Variants in GFER observed in about 807,000 individuals in gnomAD.
GFER encodes growth factor, augmenter of liver regeneration.
GFER carries 24 observed loss-of-function variants against 18.2 expected under a neutral mutation model. That is an observed-to-expected ratio of 1.32 (90% CI 0.96 to 1.86). The LOEUF (loss-of-function observed/expected upper bound fraction) is 1.86, where lower values mean the gene tolerates loss of function less well. GFER is among the 40% of genes most tolerant of loss of function. The pLI is 0.00. For missense variants in GFER, 316 were observed against 295.6 expected (o/e 1.07, Z -0.51); for synonymous variants, 138 against 126.9 (o/e 1.09, Z -0.59).
At chr16:1,985,562 G>A (rs943914262) in intron 2 of GFER, among the ~76,000 whole-genome samples, 6 of 152,244 alleles carry the variant, frequency 3.9e-5, no homozygotes, top group Admixed American at 2.0e-4. Context: ...ACTGGATGCC[G>A]CTTCCTGGGT....
At position 1,987,427 on chromosome 16, in the gene GFER, T is replaced by C. The variant is rs1481830276; in HGVS notation, c.*1399T>C. ...AGGGAGCTGCTATGTCCCCACCAGATTGGCCCCGTGCGGCTGCTGGCTTCT... is the reference window on the plus strand; with the variant it reads ...AGGGAGCTGCTATGTCCCCACCAGACTGGCCCCGTGCGGCTGCTGGCTTCT... On this transcript the variant is annotated 3_prime_UTR_variant, in exon 3 of 3. Transcript: ENST00000248114. The C allele has an allele frequency of 2.6e-5, 4 of 152,458 alleles. No individual in the cohort carries two copies. In the East Asian group the frequency reaches 5.8e-4, roughly 22 times the overall value. 9.4% of individuals were successfully genotyped at this position (152,458 alleles called of 1,614,324 possible).
rs776371765 is a variant in GFER at position 1,984,482 on chromosome 16, G to T, written c.258+6G>T. On this transcript the variant is annotated splice_donor_region_variant and intron_variant, in intron 1 of 2. Transcript: ENST00000248114. ...GGATGCGGACGCAGCAGAAGGTGCA[G>T]TTCCCTGCCCGATTTCTCCCAGCCC... 2 of 1,557,606 alleles carry T rather than the reference G, an allele frequency of 1.3e-6. No individual in the cohort carries two copies. Among genetic ancestry groups the T allele is most frequent in the African/African-American group, 2.7e-5 (2 of 73,918 alleles).
Position 1,984,855 on chromosome 16 carries a change from C to T in GFER, c.367C>T (p.Pro123Ser), listed in dbSNP as rs1411611534. 6.2e-7 allele frequency: 1 copy of T among 1,613,614 alleles called. No individual in the cohort carries two copies. The highest frequency in any genetic ancestry group is 1.7e-5 in the Admixed American group (1 of 60,004). Reference protein sequence around the residue: ...LAAYYPDLPTPEQQQDMAQFI... With the variant: ...LAAYYPDLPTSEQQQDMAQFI... ...CGCCTACTACCCCGACCTGCCCACC[C>T]CAGAACAGCAGCAAGACATGGCCCA... Residue 123 changes from proline to serine, a missense_variant, in exon 2 of 3, where the codon CCA becomes TCA. Coordinates refer to ENST00000248114, the MANE Select transcript of GFER (RefSeq NM_005262.3).
Position 1,984,655 on chromosome 16 carries a change from T to A in GFER, c.259-92T>A, listed in dbSNP as rs1166675220. The A allele has an allele frequency of 2.9e-6, 4 of 1,392,746 alleles. No homozygotes were observed. The East Asian group carries it at 6.8e-5, about 24-fold the overall frequency. 86.3% of individuals were successfully genotyped at this position (1,392,746 alleles called of 1,614,324 possible). ...ATCGTCTGCAGGACTTTGGCCGGAG[T>A]CCAGTGGGCCACCGGCTGGGCCGTA... is the stretch of plus-strand genomic sequence containing the variant. On this transcript the variant is annotated intron_variant, in intron 1 of 2. Coordinates refer to ENST00000248114, the MANE Select transcript of GFER (RefSeq NM_005262.3).
chr16:1,985,787 C>T, intron 2 of GFER, 79 bp from the exon 3 acceptor site: 1 of 1,335,326 alleles, frequency 7.5e-7, no homozygotes. Flanking sequence ...AGCTCTCCTT[C>T]CTTGACAGCA....
intron 1 of GFER, 97 bp downstream of exon 1, chr16:1,984,573 T>G: frequency 7.0e-7 from 1 of 1,425,072 alleles, no homozygotes. Context: ...TGCCTGTCCC[T>G]GAACCTTGCC....
At chr16:1,985,739 A>G in intron 2 of GFER, 127 bp from the exon 3 acceptor site, 1 of 892,632 alleles carries the variant, frequency 1.1e-6, no homozygotes, top group Non-Finnish European at 1.9e-6. Context: ...ACCTTGGAGC[A>G]TAAGGGCACT....
In GFER at chr16:1,984,247, T is replaced by C; in HGVS notation, c.29T>C (p.Phe10Ser). The change falls in exon 1 of 3, where the codon TTC (phenylalanine) becomes TCC (serine). Residue 10 changes from phenylalanine (F) to serine (S), a missense_variant. Transcript: ENST00000248114. Reference protein sequence around the residue: MAAPGERGRFHGGNLFFLPG... With the variant: MAAPGERGRSHGGNLFFLPG... ...GCGGCGCCCGGCGAGCGGGGCCGCT[T>C]CCACGGCGGGAACCTCTTCTTCCTG... The C allele has an allele frequency of 6.8e-7, 1 of 1,477,118 alleles. No individual in the cohort carries two copies. The highest frequency in any genetic ancestry group is 8.9e-7 in the Non-Finnish European group (1 of 1,121,118). The allele number at this position is 1,477,118 out of a possible 1,614,324, so 91.5% of individuals were successfully genotyped here. A position where few individuals can be genotyped will look rare whatever the true frequency, so the allele number is the denominator to read the frequency against.
rs2075319129 is a variant in GFER, at chr16:1,986,446, C to T, written c.*418C>T. 5.8e-6 allele frequency: 2 copies of T among 347,106 alleles called. No individual in the cohort carries two copies. The highest frequency in any genetic ancestry group is 1.1e-5 in the Non-Finnish European group (2 of 176,378). The allele number at this position is 347,106 out of a possible 1,614,324, so 21.5% of individuals were successfully genotyped here. On this transcript the variant is annotated 3_prime_UTR_variant, in exon 3 of 3. Coordinates refer to ENST00000248114, the MANE Select transcript of GFER (RefSeq NM_005262.3). Reference sequence around the variant, plus strand: ...CTTCCCACTATGCAGCCAGGGATGCCCCTGCCCCCCATGGCTCTGTGCTGC... The same window carrying T: ...CTTCCCACTATGCAGCCAGGGATGCTCCTGCCCCCCATGGCTCTGTGCTGC...
In GFER at chr16:1,984,403, C is replaced by T. The variant is rs2083550251; in HGVS notation, c.185C>T (p.Ala62Val). The change falls in exon 1 of 3, where the codon GCC becomes GTC. Residue 62 changes from alanine (A) to valine (V), a missense_variant. Ala to Val is a moderately conservative substitution (Grantham distance 64). Transcript: ENST00000248114. ...GCGCCGACCTCCGATTCTCCTGTCG[C>T]CGAGGACGCCTCCCGGAGGCGGCCG... ...AQAPTSDSPVAEDASRRRPCR... is the reference protein window; with the variant it reads ...AQAPTSDSPVVEDASRRRPCR... 6.5e-7 allele frequency: 1 copy of T among 1,538,352 alleles called. No homozygotes were observed. The highest frequency in any genetic ancestry group is 8.7e-7 in the Non-Finnish European group (1 of 1,146,144).
At chr16:1,984,701 CT>C (rs768871809) in intron 1 of GFER, 45 bp from the exon 2 acceptor site, 1 of 1,559,600 alleles carries the variant, frequency 6.4e-7, no homozygotes, top group East Asian at 2.2e-5. Flanking sequence ...CTTTGGGCGC[CT>C]TTGTTCGGAG....
rs186856814 is a variant in GFER at position 1,986,407 on chromosome 16, G to A, written c.*379G>A. ...GGGCATCCCTGTGCCTGTCCCTGGC[G>A]GCCAGGCCATTGCCTTCCCACTATG... On this transcript the variant is annotated 3_prime_UTR_variant, in exon 3 of 3. Coordinates refer to ENST00000248114, the MANE Select transcript of GFER (RefSeq NM_005262.3). 142 of 358,046 alleles carry A rather than the reference G, an allele frequency of 4.0e-4. No homozygotes were observed. Among genetic ancestry groups the A allele is most frequent in the Admixed American group, 1.8e-3 (47 of 26,156 alleles). The allele number at this position is 358,046 out of a possible 1,614,324, so 22.2% of individuals were successfully genotyped here.
chr16:1,984,735 C>T lies in GFER; in HGVS notation c.259-12C>T, dbSNP rs1164475398. ...GAGAATGAACTCACTCTCGGTCGGCCTGCTTCCGCAGCGGGACACCAAGTT... is the reference window on the plus strand; with the variant it reads ...GAGAATGAACTCACTCTCGGTCGGCTTGCTTCCGCAGCGGGACACCAAGTT... On this transcript the variant is annotated splice_polypyrimidine_tract_variant and intron_variant, in intron 1 of 2. Coordinates refer to ENST00000248114, the MANE Select transcript of GFER (RefSeq NM_005262.3). 4.4e-6 allele frequency: 7 copies of T among 1,604,430 alleles called. No homozygotes were observed. The highest frequency in any genetic ancestry group is 5.1e-6 in the Non-Finnish European group (6 of 1,178,858).
chr16:1,984,925 C>T lies in GFER; in HGVS notation c.437C>T (p.Ala146Val), dbSNP rs756203483. ...AAGTTTTACCCCTGTGAGGAGTGTG[C>T]TGAAGACCTAAGAAAAAGGTAAGAT... is the stretch of plus-strand genomic sequence containing the variant. ...FSKFYPCEEC[A>V]EDLRKRLCRN... is the part of the protein sequence containing the mutation. Residue 146 changes from alanine (A) to valine (V), a missense_variant, in exon 2 of 3, where the codon GCT (alanine) becomes GTT (valine). Transcript: ENST00000248114. 1.2e-6 allele frequency: 2 copies of T among 1,612,712 alleles called. No homozygotes were observed. Among genetic ancestry groups the T allele is most frequent in the Non-Finnish European group, 8.5e-7 (1 of 1,179,142 alleles).
In GFER at chr16:1,984,288, T is replaced by C. The variant is rs1470666851; in HGVS notation, c.70T>C (p.Ser24Pro). Residue 24 changes from serine to proline, a missense_variant, in exon 1 of 3, where the codon TCC becomes CCC. Transcript: ENST00000248114. ...CTTCTTCCTGCCGGGGGGCGCGCGC[T>C]CCGAGATGATGGACGACCTGGCGAC... The part of the protein sequence containing the change: ...NLFFLPGGAR[S>P]EMMDDLATDA... 2.0e-6 allele frequency: 3 copies of C among 1,480,738 alleles called. No individual in the cohort carries two copies. Among genetic ancestry groups the C allele is most frequent in the Non-Finnish European group, 2.7e-6 (3 of 1,123,112 alleles). 91.7% of individuals were successfully genotyped at this position (1,480,738 alleles called of 1,614,324 possible). A position where few individuals can be genotyped will look rare whatever the true frequency, so the allele number is the denominator to read the frequency against.
intron 2 of GFER, 138 bp from the exon 3 acceptor site, chr16:1,985,728 T>C (rs2083562093): frequency 1.2e-6 from 1 of 839,732 alleles, no homozygotes; most frequent in Admixed American, 1.7e-5. Flanking sequence ...GGAGTGCCTG[T>C]ACCTTGGAGC....
Position 1,986,451 on chromosome 16 carries a change from C to A in GFER, c.*423C>A, listed in dbSNP as rs1047839428. 5 of 346,510 alleles carry A rather than the reference C, an allele frequency of 1.4e-5. No individual in the cohort carries two copies. Among genetic ancestry groups the A allele is most frequent in the Non-Finnish European group, 2.8e-5 (5 of 176,070 alleles). 21.5% of individuals were successfully genotyped at this position (346,510 alleles called of 1,614,324 possible). On this transcript the variant is annotated 3_prime_UTR_variant, in exon 3 of 3. Coordinates refer to ENST00000248114, the MANE Select transcript of GFER (RefSeq NM_005262.3). Reference sequence around the variant, plus strand: ...CACTATGCAGCCAGGGATGCCCCTGCCCCCCATGGCTCTGTGCTGCTCACT... The same window carrying A: ...CACTATGCAGCCAGGGATGCCCCTGACCCCCATGGCTCTGTGCTGCTCACT...
intron 1 of GFER, 119 bp downstream of exon 1, chr16:1,984,595 C>T: frequency 1.4e-6 from 2 of 1,382,350 alleles, no homozygotes; most frequent in Non-Finnish European, 2.0e-6. Context: ...CCCGGGTAGG[C>T]CCGGCCTTAC....
Position 1,986,067 on chromosome 16 carries a change from C to T in GFER, c.*39C>T. 6.2e-7 allele frequency: 1 copy of T among 1,600,946 alleles called. No homozygotes were observed. Among genetic ancestry groups the T allele is most frequent in the Non-Finnish European group, 8.5e-7 (1 of 1,171,666 alleles). ...AGAGCTCATGGGACAGCTAGCCAGGCATGGTTGGATAGGGGCAGGGCACTC... is the reference window on the plus strand; with the variant it reads ...AGAGCTCATGGGACAGCTAGCCAGGTATGGTTGGATAGGGGCAGGGCACTC... On this transcript the variant is annotated 3_prime_UTR_variant, in exon 3 of 3. Coordinates refer to ENST00000248114, the MANE Select transcript of GFER (RefSeq NM_005262.3).
Sources: gnomAD v4.1 joint callset for allele counts (sites outside exome capture counted in the v4.1 genomes callset) on GRCh38, gnomAD v4.1.1 for gene constraint, MANE v1.5 for transcripts, NCBI Gene and HGNC (gene_info 2026-07-23, HGNC 2026-07-21) for gene names.